RBFOX1: variants seen among roughly 807,000 people sequenced by gnomAD.
RBFOX1 encodes the protein RNA binding fox-1 homolog 1, also known as RNA binding protein fox-1 homolog 1.
Under a neutral mutation model 57.7 loss-of-function variants are expected in RBFOX1, and 8 were observed. The observed-to-expected ratio is 0.14, with a 90% CI of 0.08 to 0.25. The LOEUF is 0.25. Among genes scored for constraint, RBFOX1 ranks in the 10% least tolerant of loss-of-function variants. The pLI is 1.00. For missense variants in RBFOX1, 611 were observed against 548.5 expected (o/e 1.11, Z -1.14); for synonymous variants, 326 against 222.4 (o/e 1.47, Z -4.15).
chr16:7,194,120 T>A (rs914134996), intron 4 of RBFOX1, among the ~76,000 whole-genome samples: 3 of 152,206 alleles, frequency 2.0e-5, no homozygotes, highest in South Asian at 2.1e-4. Flanking sequence ...ACCCTATTCG[T>A]GTCAATGAGA....
At chr16:5,635,137 C>G (rs1034414594) in intron 3 of RBFOX1, among the ~76,000 whole-genome samples, 2 of 152,198 alleles carry the variant, frequency 1.3e-5, no homozygotes, top group African/African-American at 2.4e-5. Flanking sequence ...CCTCATCTTT[C>G]TTTAACATTT....
intron 4 of RBFOX1, among the ~76,000 whole-genome samples, chr16:5,917,583 C>T (rs1284673976): frequency 6.6e-6 from 1 of 152,216 alleles, no homozygotes; most frequent in Non-Finnish European, 1.5e-5. Flanking sequence ...GACTCAAACT[C>T]TGGACTGCAC....
chr16:7,527,153 C>T (rs1451449504), intron 5 of RBFOX1, among the ~76,000 whole-genome samples: 15 of 152,104 alleles, frequency 9.9e-5, no homozygotes, highest in East Asian at 1.9e-4. Context: ...GCTGTTTTGT[C>T]AATACCAGTT....
intron 4 of RBFOX1, among the ~76,000 whole-genome samples, chr16:7,444,143 A>G (rs2098791133): frequency 6.6e-6 from 1 of 152,224 alleles, no homozygotes; most frequent in Non-Finnish European, 1.5e-5. Flanking sequence ...CTAAACCAAC[A>G]TTAGCTAGGG....
intron 3 of RBFOX1, among the ~76,000 whole-genome samples, chr16:6,809,907 A>G (rs778135050): frequency 1.2e-4 from 19 of 152,140 alleles, no homozygotes; most frequent in Non-Finnish European, 2.1e-4. Context: ...GCTTTTGTAC[A>G]AATGAATAAA....
intron 3 of RBFOX1, among the ~76,000 whole-genome samples, chr16:5,659,258 A>G (rs1213315540): frequency 6.7e-6 from 1 of 149,504 alleles, no homozygotes; most frequent in East Asian, 1.9e-4. Flanking sequence ...CCTGATGATT[A>G]CTGATGTTGG....
chr16:5,322,903 A>G (rs761369820), intron 1 of RBFOX1, among the ~76,000 whole-genome samples: 6 of 152,210 alleles, frequency 3.9e-5, no homozygotes, highest in Non-Finnish European at 7.3e-5. Context: ...CTCTTCCGGC[A>G]TGAATGGGTG....
At chr16:7,328,154 C>T (rs935402865) in intron 4 of RBFOX1, among the ~76,000 whole-genome samples, 2 of 152,108 alleles carry the variant, frequency 1.3e-5, no homozygotes, top group Non-Finnish European at 1.5e-5. Context: ...CAGGTGTGCA[C>T]CACTGTGCCC....
chr16:6,410,603 G>A (rs1023998750), intron 2 of RBFOX1, among the ~76,000 whole-genome samples: 5 of 151,998 alleles, frequency 3.3e-5, no homozygotes, highest in Non-Finnish European at 7.4e-5. Context: ...GAGCCACCGC[G>A]CACCTTCTAT....
chr16:6,859,203 A>G (rs534040008), intron 3 of RBFOX1, among the ~76,000 whole-genome samples: 12 of 128,854 alleles, frequency 9.3e-5, no homozygotes, highest in African/African-American at 3.5e-4. Flanking sequence ...ATATGTATAT[A>G]TATATATACA....
intron 3 of RBFOX1, among the ~76,000 whole-genome samples, chr16:6,837,643 C>G (rs971128868): frequency 6.6e-6 from 1 of 152,242 alleles, no homozygotes; most frequent in Non-Finnish European, 1.5e-5. Flanking sequence ...CTAAGCCTCA[C>G]TCCCTCATTG....
At chr16:6,499,760 A>G (rs551319728) in intron 2 of RBFOX1, among the ~76,000 whole-genome samples, 1 of 152,212 alleles carries the variant, frequency 6.6e-6, no homozygotes, top group African/African-American at 2.4e-5. Flanking sequence ...TTCACTTGGA[A>G]TCAGAAAGTC....
At chr16:7,705,074 C>T (rs2148385717) in intron 14 of RBFOX1, among the ~76,000 whole-genome samples, 1 of 150,550 alleles carries the variant, frequency 6.6e-6, no homozygotes, top group South Asian at 2.1e-4. Flanking sequence ...AGGCAGAGAG[C>T]CAGAGAAAGA....
At chr16:6,004,129 A>G (rs1337812655) in intron 4 of RBFOX1, among the ~76,000 whole-genome samples, 2 of 152,220 alleles carry the variant, frequency 1.3e-5, no homozygotes, top group South Asian at 2.1e-4. Context: ...GCAAACCACC[A>G]TAGCACACGT....
At chr16:7,620,762 G>C (rs772216190) in intron 10 of RBFOX1, among the ~76,000 whole-genome samples, 6 of 152,160 alleles carry the variant, frequency 3.9e-5, no homozygotes, top group Non-Finnish European at 8.8e-5. Context: ...AACAGGTGTA[G>C]CTTTGAGAGA....
At chr16:7,097,369 G>C (rs2061878932) in intron 4 of RBFOX1, among the ~76,000 whole-genome samples, 1 of 152,088 alleles carries the variant, frequency 6.6e-6, no homozygotes, top group Non-Finnish European at 1.5e-5. Context: ...GAGCCTGGTA[G>C]ATTAGAGTTG....
intron 1 of RBFOX1, among the ~76,000 whole-genome samples, chr16:6,233,048 G>C (rs963600532): frequency 6.6e-6 from 1 of 152,082 alleles, no homozygotes; most frequent in Non-Finnish European, 1.5e-5. Context: ...TGTAGGCCCC[G>C]ATACAGATCT....
At chr16:5,806,393 G>A (rs1173411288) in intron 3 of RBFOX1, among the ~76,000 whole-genome samples, 3 of 152,182 alleles carry the variant, frequency 2.0e-5, no homozygotes, top group Non-Finnish European at 4.4e-5. Context: ...CAAATGCTAT[G>A]TACTCACATG....
At chr16:7,483,864 TAA>T (rs2064668358) in intron 4 of RBFOX1, among the ~76,000 whole-genome samples, 1 of 152,242 alleles carries the variant, frequency 6.6e-6, no homozygotes, top group African/African-American at 2.4e-5. Context: ...TTTTCAAAAT[TAA>T]GTGATGGTTT....
Sources: allele counts gnomAD v4.1 joint callset (sites outside exome capture counted in the v4.1 genomes callset), GRCh38; gene constraint gnomAD v4.1.1; transcripts MANE v1.5; gene names NCBI Gene and HGNC (gene_info 2026-07-23, HGNC 2026-07-21).